The following RPGRIP1 variants were observed in gnomAD, a reference collection of about 807,000 sequenced individuals.
The protein encoded by RPGRIP1 is X-linked retinitis pigmentosa GTPase regulator-interacting protein 1.
In RPGRIP1, 128 loss-of-function variants were observed where a neutral mutation model predicts 157.9. That is an observed-to-expected ratio of 0.81 (90% CI 0.70 to 0.94). The LOEUF (loss-of-function observed/expected upper bound fraction) is 0.94. Among genes scored for constraint, RPGRIP1 ranks in the 40% least tolerant of loss-of-function variants. The pLI, the probability that RPGRIP1 is intolerant of heterozygous loss-of-function variation, is 0.00. For missense variants in RPGRIP1, 1,486 were observed against 1,545.8 expected (o/e 0.96, Z 0.65); for synonymous variants, 554 against 571.6 (o/e 0.97, Z 0.44).
intron 10 of RPGRIP1, among the ~76,000 whole-genome samples, chr14:21,312,959 A>G (rs1266128573): frequency 6.6e-6 from 1 of 150,912 alleles, no homozygotes; most frequent in Admixed American, 6.6e-5. Flanking sequence ...CAGCCTCCCC[A>G]GTAGCTGGGA....
At chr14:21,320,298 CTT>C (rs1040027371) in intron 12 of RPGRIP1, 121 bp downstream of exon 12, 269 of 747,088 alleles carry the variant, frequency 3.6e-4, no homozygotes, top group East Asian at 4.6e-4. Flanking sequence ...TGAGGACACT[CTT>C]TTTTTTTTTG....
intron 21 of RPGRIP1, among the ~76,000 whole-genome samples, chr14:21,341,414 C>G (rs890184654): frequency 1.3e-5 from 2 of 152,108 alleles, no homozygotes; most frequent in Non-Finnish European, 2.9e-5. Flanking sequence ...TTCTTAGGGG[C>G]AGGCACAGGA....
At position 21,302,591 on chromosome 14, in the gene RPGRIP1, T is replaced by G; in HGVS notation, c.587+7T>G. The G allele has an allele frequency of 6.7e-7, 1 of 1,500,548 alleles. No individual in the cohort carries two copies. The allele number at this position is 1,500,548 out of a possible 1,614,324, so 93.0% of individuals were successfully genotyped here. A position where few individuals can be genotyped will look rare whatever the true frequency, so the allele number is the denominator to read the frequency against. On this transcript the variant is annotated splice_region_variant and intron_variant, in intron 5 of 24. Transcript: ENST00000400017. ...CCAGTAAACCCAGTGAACTGTGAGT[T>G]CTTCTCATTTATCCCATGTTGTTAT...
At chr14:21,329,576 A>G (rs1478596345) in intron 19 of RPGRIP1, among the ~76,000 whole-genome samples, 1 of 145,248 alleles carries the variant, frequency 6.9e-6, no homozygotes, top group Non-Finnish European at 1.5e-5. Flanking sequence ...ACCTCGGCTC[A>G]CTGCAACCTC....
chr14:21,295,767 C>T (rs1194182389), intron 3 of RPGRIP1, among the ~76,000 whole-genome samples: 1 of 151,910 alleles, frequency 6.6e-6, no homozygotes, highest in Non-Finnish European at 1.5e-5. Context: ...TGAGCCACCA[C>T]GCCAGCCAAT....
At chr14:21,350,486 T>C (rs1886134171) in intron 24 of RPGRIP1, among the ~76,000 whole-genome samples, 1 of 152,122 alleles carries the variant, frequency 6.6e-6, no homozygotes, top group African/African-American at 2.4e-5. Flanking sequence ...AAATTATTCT[T>C]ACTGATCATT....
chr14:21,349,873 A>T (rs1483993466), intron 24 of RPGRIP1, among the ~76,000 whole-genome samples: 1 of 152,150 alleles, frequency 6.6e-6, no homozygotes, highest in African/African-American at 2.4e-5. Flanking sequence ...TTTAGTTGGG[A>T]CTGCGCTGTC....
intron 20 of RPGRIP1, among the ~76,000 whole-genome samples, chr14:21,333,285 A>G (rs987382970): frequency 1.3e-5 from 2 of 152,210 alleles, no homozygotes; most frequent in Non-Finnish European, 1.5e-5. Context: ...AGAAATGAAA[A>G]GGGCCTGATT....
At position 21,351,289 on chromosome 14, in the gene RPGRIP1, G is replaced by C; in HGVS notation, c.*73G>C. 2.3e-6 allele frequency: 2 copies of C among 871,114 alleles called. No individual in the cohort carries two copies. The highest frequency in any genetic ancestry group is 1.9e-6 in the Non-Finnish European group (1 of 536,210). The allele number at this position is 871,114 out of a possible 1,614,324, so 54.0% of individuals were successfully genotyped here. A position where few individuals can be genotyped will look rare whatever the true frequency, so the allele number is the denominator to read the frequency against. ...AAAAAGTCTCTTATAAAGTTAGCTT[G>C]CTATAACATGAATTTGGTTTACTGT... is the stretch of plus-strand genomic sequence containing the variant. On this transcript the variant is annotated 3_prime_UTR_variant, in exon 25 of 25. Transcript: ENST00000400017.
intron 3 of RPGRIP1, among the ~76,000 whole-genome samples, chr14:21,300,300 C>A (rs964257145): frequency 7.9e-6 from 1 of 126,788 alleles, no homozygotes. Flanking sequence ...AGAAAAAGTC[C>A]GTCTCAAAAA....
In RPGRIP1 at chr14:21,337,289, A is replaced by G. The variant is rs1884463420; in HGVS notation, c.3339+2584A>G. On this transcript the variant is annotated intron_variant, in intron 21 of 24. Transcript: ENST00000400017. Reference sequence around the variant, plus strand: ...CCTTATCTGTAAAATGGTAGTATTAAGTATACCCATCTGATACTGATGTGG... The same window carrying G: ...CCTTATCTGTAAAATGGTAGTATTAGGTATACCCATCTGATACTGATGTGG... Among the ~76,000 whole-genome samples, 4 of 152,152 alleles carry G rather than the reference A, an allele frequency of 2.6e-5. No homozygotes were observed. The South Asian group carries it at 8.3e-4, about 32-fold the overall frequency.
rs767213505 is a variant in RPGRIP1 at position 21,303,383 on chromosome 14, A to C, written c.640A>C (p.Lys214Gln). ...ISFSSVISMA[K>Q]PIGLCMPNSA... ...TTTCAGCAGTGTCATAAGTATGGCT[A>C]AACCCATTGGTCTATGCATGCCTAA... Residue 214 changes from lysine to glutamine, a missense_variant, in exon 6 of 25, where the codon AAA (lysine) becomes CAA (glutamine). Lys to Gln is a moderately conservative substitution (Grantham distance 53). Transcript: ENST00000400017. 2.5e-6 allele frequency: 4 copies of C among 1,613,850 alleles called. No individual in the cohort carries two copies. The highest frequency in any genetic ancestry group is 3.3e-4 in the Middle Eastern group (2 of 6,062).
chr14:21,312,178 A>G (rs546703278), intron 9 of RPGRIP1, among the ~76,000 whole-genome samples: 71 of 152,202 alleles, frequency 4.7e-4, no homozygotes, highest in Admixed American at 1.7e-3. Context: ...GCTCTTTCAT[A>G]ATGTTTTGCT....
chr14:21,321,389 A>G lies in RPGRIP1; in HGVS notation c.1598A>G (p.Asn533Ser). The G allele has an allele frequency of 6.2e-7, 1 of 1,611,526 alleles. No individual in the cohort carries two copies. Among genetic ancestry groups the G allele is most frequent in the South Asian group, 1.1e-5 (1 of 90,422 alleles). The part of the protein sequence containing the change: ...RDMLILQRKI[N>S]VCYQEELEAM... ...ATGCTTATTCTGCAGCGCAAAATCA[A>G]CGTGTGTTATCAGGTGCAAGGAAAG... The change falls in exon 13 of 25, where the codon AAC becomes AGC. Residue 533 changes from asparagine (N) to serine (S), a missense_variant. Transcript: ENST00000400017.
At chr14:21,345,803 G>C (rs1885506696) in intron 23 of RPGRIP1, among the ~76,000 whole-genome samples, 1 of 151,266 alleles carries the variant, frequency 6.6e-6, no homozygotes. Context: ...TGCCCAAATG[G>C]AATAACAAAA....
At chr14:21,315,379 T>C (rs1400289905) in intron 10 of RPGRIP1, among the ~76,000 whole-genome samples, 1 of 150,108 alleles carries the variant, frequency 6.7e-6, no homozygotes, top group Non-Finnish European at 1.5e-5. Flanking sequence ...TGGTGGCAGG[T>C]GCCTGTAGTC....
chr14:21,293,463 C>T (rs1880620683), intron 2 of RPGRIP1, among the ~76,000 whole-genome samples: 1 of 152,138 alleles, frequency 6.6e-6, no homozygotes, highest in Admixed American at 6.5e-5. Flanking sequence ...GAAGAATAGG[C>T]TGGGCATGGT....
intron 22 of RPGRIP1, among the ~76,000 whole-genome samples, chr14:21,344,581 G>A (rs964378284): frequency 6.6e-6 from 1 of 152,202 alleles, no homozygotes; most frequent in Admixed American, 6.6e-5. Context: ...GAAAATTTGA[G>A]AAAGTCGTGC....
rs181487307 is a variant in RPGRIP1 at position 21,335,916 on chromosome 14, C to T, written c.3339+1211C>T. On this transcript the variant is annotated intron_variant, in intron 21 of 24. Transcript: ENST00000400017. ...AGGTAGAAAACAATTACTCTTAAGT[C>T]GCTGCTGCCTGACACATTTGTAGGT... Among the ~76,000 whole-genome samples the T allele has an allele frequency of 4.3e-4, 65 of 152,282 alleles. 2 individuals are homozygous for T. In the South Asian group the frequency reaches 6.4e-3, roughly 15 times the overall value.
Sources: gnomAD v4.1 joint callset for allele counts (sites outside exome capture counted in the v4.1 genomes callset) on GRCh38, gnomAD v4.1.1 for gene constraint, MANE v1.5 for transcripts, NCBI Gene and HGNC (gene_info 2026-07-23, HGNC 2026-07-21) for gene names.